Variants in HDAC9 observed in about 807,000 individuals in gnomAD.
HDAC9 encodes MEF-2 interacting transcription repressor (MITR) protein.
In HDAC9, 41 loss-of-function variants were observed where a neutral mutation model predicts 139.4. That is an observed-to-expected ratio of 0.29 (90% CI 0.23 to 0.38). The LOEUF (loss-of-function observed/expected upper bound fraction) is 0.38, where lower values mean the gene tolerates loss of function less well. Ranked by LOEUF, HDAC9 falls within the 10% of genes least tolerant of loss-of-function variation. The probability of loss-of-function intolerance (pLI) is 1.00; values close to 1 mark genes in which losing one functional copy is unlikely to be tolerated. For synonymous variants in HDAC9, 517 were observed against 476.2 expected (o/e 1.09, Z -1.12); for missense variants, 1,147 against 1,297.0 (o/e 0.88, Z 1.78).
intron 1 of HDAC9, among the ~76,000 whole-genome samples, chr7:18,103,347 A>G (rs1186805025): frequency 6.6e-6 from 1 of 152,034 alleles, no homozygotes; most frequent in Non-Finnish European, 1.5e-5. Context: ...ATTTTATTTT[A>G]TTTTATATTC....
At chr7:18,836,022 G>A in intron 21 of HDAC9, 25 bp downstream of exon 21, 1 of 1,334,104 alleles carries the variant, frequency 7.5e-7, no homozygotes, top group Non-Finnish European at 1.0e-6. Flanking sequence ...CTCTCTGAAA[G>A]TGGCAAATTG....
At chr7:18,630,669 G>A (rs573810317) in intron 7 of HDAC9, among the ~76,000 whole-genome samples, 1 of 152,062 alleles carries the variant, frequency 6.6e-6, no homozygotes, top group Admixed American at 6.6e-5. Context: ...TATTTTACTA[G>A]AGTTTATATG....
intron 2 of HDAC9, among the ~76,000 whole-genome samples, chr7:18,510,896 T>C (rs955299658): frequency 2.0e-5 from 3 of 152,154 alleles, no homozygotes; most frequent in African/African-American, 7.2e-5. Context: ...AGGGTAGTCT[T>C]TTTGCTCTAT....
At chr7:18,494,949 T>C (rs1420660735), upstream of HDAC9, among the ~76,000 whole-genome samples, 1 of 152,124 alleles carries the variant, frequency 6.6e-6, no homozygotes, top group African/African-American at 2.4e-5. Context: ...TTTTGTGTTT[T>C]GTGTTTTGTT....
At chr7:18,991,244 AAATG>A (rs1307408228) in intron 25 of HDAC9, among the ~76,000 whole-genome samples, 1 of 152,244 alleles carries the variant, frequency 6.6e-6, no homozygotes, top group African/African-American at 2.4e-5. Context: ...TGAAAAAGAA[AAATG>A]AATGAGGAAA....
chr7:18,951,491 C>A lies in HDAC9; in HGVS notation c.2938-2655C>A, dbSNP rs111932437. 1.1e-4 allele frequency among the ~76,000 whole-genome samples: 16 copies of A among 151,964 alleles called. 1 individual carries two copies. Among genetic ancestry groups the A allele is most frequent in the African/African-American group, 3.6e-4 (15 of 41,502 alleles). On this transcript the variant is annotated intron_variant, in intron 23 of 25. Coordinates refer to ENST00000686413, the MANE Select transcript of HDAC9 (RefSeq NM_178425.4). ...CTCCATGATAATTACCATTATTTAA[C>A]AGAATTGCTTGACAGAAATGGCATG...
chr7:18,265,456 C>T (rs1270152190), intron 2 of HDAC9, among the ~76,000 whole-genome samples: 3 of 152,074 alleles, frequency 2.0e-5, no homozygotes, highest in Non-Finnish European at 4.4e-5. Context: ...TTTGTTCTGA[C>T]GAAGCATGTG....
At chr7:18,967,621 G>A (rs1319149731) in intron 24 of HDAC9, among the ~76,000 whole-genome samples, 2 of 151,528 alleles carry the variant, frequency 1.3e-5, no homozygotes, top group Admixed American at 6.6e-5. Context: ...TCTAAAGTTC[G>A]GTGGAACATC....
At chr7:18,280,825 G>T (rs886621571) in intron 2 of HDAC9, among the ~76,000 whole-genome samples, 1 of 151,750 alleles carries the variant, frequency 6.6e-6, no homozygotes, top group African/African-American at 2.4e-5. Context: ...TTATTGAGAT[G>T]GTCTAATATT....
chr7:18,988,359 G>T (rs1037349264), intron 25 of HDAC9, among the ~76,000 whole-genome samples: 2 of 152,024 alleles, frequency 1.3e-5, no homozygotes, highest in East Asian at 1.9e-4. Context: ...CAGTTTCCAT[G>T]TAGTTGAGCG....
intron 2 of HDAC9, among the ~76,000 whole-genome samples, chr7:18,506,279 G>A (rs760304190): frequency 6.6e-5 from 10 of 152,132 alleles, no homozygotes; most frequent in Non-Finnish European, 1.3e-4. Flanking sequence ...TTATGGAAAG[G>A]CAAAGAGGCG....
At chr7:18,946,836 A>G (rs1357025272) in intron 23 of HDAC9, among the ~76,000 whole-genome samples, 1 of 152,092 alleles carries the variant, frequency 6.6e-6, no homozygotes, top group Non-Finnish European at 1.5e-5. Flanking sequence ...AATGGAGTAT[A>G]TATCCCCTAA....
rs1477952524 is a variant in HDAC9 at position 18,591,465 on chromosome 7, C to CTGTGTGTG, written c.416-49_416-42dup. The CTGTGTGTG allele has an allele frequency of 1.3e-5, 19 of 1,474,224 alleles. No homozygotes were observed. In the African/African-American group the frequency reaches 2.7e-4, roughly 21 times the overall value. 91.3% of individuals were successfully genotyped at this position (1,474,224 alleles called of 1,614,324 possible). ...CAAAACTCACCATCAACATCTGTTT[C>CTGTGTGTG]TGTGTGTGTATGTGTGTGTGTGTGT... On this transcript the variant is annotated intron_variant, in intron 4 of 25. Transcript: ENST00000686413.
intron 1 of HDAC9, among the ~76,000 whole-genome samples, chr7:18,130,464 C>T (rs1288001892): frequency 6.6e-6 from 1 of 152,066 alleles, no homozygotes; most frequent in Non-Finnish European, 1.5e-5. Context: ...TTTGGTGTTT[C>T]ATTTTTCAAC....
At position 18,257,144 on chromosome 7, in the gene HDAC9, G is replaced by A. The variant is rs201554328; in HGVS notation, c.25+94795G>A. 8.1e-5 allele frequency among the ~76,000 whole-genome samples: 12 copies of A among 148,386 alleles called. No homozygotes were observed. The East Asian group carries it at 2.2e-3, about 27-fold the overall frequency. On this transcript the variant is annotated intron_variant, in intron 2 of 12. Coordinates refer to the HDAC9 transcript ENST00000417496. ...TGTGTGTGTGTGTGTGTGTGTGTGTGTATAAATATATAAATGTAACAAAAC... is the reference window on the plus strand; with the variant it reads ...TGTGTGTGTGTGTGTGTGTGTGTGTATATAAATATATAAATGTAACAAAAC...
rs183583808 is a variant in HDAC9 at position 18,627,908 on chromosome 7, T to C, written c.665-1442T>C. Among the ~76,000 whole-genome samples, 291 of 152,112 alleles carry C rather than the reference T, an allele frequency of 1.9e-3. 1 individual carries two copies. Among genetic ancestry groups the C allele is most frequent in the Non-Finnish European group, 3.5e-3 (238 of 68,020 alleles). ...TCTGAACTTCATTTTTAAGTTCCTA[T>C]TTCACCAAGCCAATTCCAAGAAAAC... On this transcript the variant is annotated intron_variant, in intron 6 of 25. Coordinates refer to ENST00000686413, the MANE Select transcript of HDAC9 (RefSeq NM_178425.4).
At chr7:18,656,217 C>G (rs914906903) in intron 11 of HDAC9, among the ~76,000 whole-genome samples, 1 of 152,012 alleles carries the variant, frequency 6.6e-6, no homozygotes, top group African/African-American at 2.4e-5. Flanking sequence ...GAATTGCATC[C>G]AGAGCTATTC....
intron 12 of HDAC9, among the ~76,000 whole-genome samples, chr7:18,691,898 G>T (rs1308617554): frequency 6.6e-6 from 1 of 151,974 alleles, no homozygotes. Context: ...ACTAAAGAGT[G>T]TCAACAAAAG....
chr7:18,575,681 A>T lies in HDAC9; in HGVS notation c.23-9600A>T, dbSNP rs118102918. ...CAGAAATGTGTTAACTTAGAAATTTAACTAGTAAAACAGCATATATTTGTA... is the reference window on the plus strand; with the variant it reads ...CAGAAATGTGTTAACTTAGAAATTTTACTAGTAAAACAGCATATATTTGTA... On this transcript the variant is annotated intron_variant, in intron 2 of 25. Coordinates refer to ENST00000686413, the MANE Select transcript of HDAC9 (RefSeq NM_178425.4). Among the ~76,000 whole-genome samples the T allele has an allele frequency of 2.7e-4, 41 of 152,396 alleles. No homozygotes were observed. In the East Asian group the frequency reaches 6.7e-3, roughly 25 times the overall value.
Sources: allele counts gnomAD v4.1 joint callset (sites outside exome capture counted in the v4.1 genomes callset), GRCh38; gene constraint gnomAD v4.1.1; transcripts MANE v1.5; gene names NCBI Gene and HGNC (gene_info 2026-07-23, HGNC 2026-07-21).